UMAD1: variants seen among roughly 807,000 people sequenced by gnomAD.
UMAD1 encodes the protein UBAP1-MVB12-associated (UMA)-domain containing protein 1.
In UMAD1, 8 loss-of-function variants were observed where a neutral mutation model predicts 6.1. The observed-to-expected ratio is 1.30, with a 90% confidence interval of 0.76 to 2.35. The LOEUF (loss-of-function observed/expected upper bound fraction) is 2.35, where lower values mean the gene tolerates loss of function less well. Among genes scored for constraint, UMAD1 ranks in the 30% most tolerant of loss-of-function variants. The probability of loss-of-function intolerance (pLI) is 0.00; values close to 1 mark genes in which losing one functional copy is unlikely to be tolerated. For synonymous variants in UMAD1, 56 were observed against 31.4 expected (o/e 1.78, Z -2.61); for missense variants, 130 against 78.4 (o/e 1.66, Z -2.49).
At chr7:7,782,537 T>G (rs1032223242) in intron 2 of UMAD1, among the ~76,000 whole-genome samples, 1 of 152,150 alleles carries the variant, frequency 6.6e-6, no homozygotes, top group African/African-American at 2.4e-5. Flanking sequence ...TTTAAAATTT[T>G]TTTTATTTTC....
At chr7:7,820,625 G>A (rs140992109) in intron 3 of UMAD1, among the ~76,000 whole-genome samples, 297 of 152,208 alleles carry the variant, frequency 2.0e-3, no homozygotes, top group African/African-American at 6.8e-3. Context: ...TTTAGCATGC[G>A]AGACTTTAAG....
chr7:7,643,520 G>C (rs984921959), intron 1 of UMAD1, among the ~76,000 whole-genome samples: 15 of 152,184 alleles, frequency 9.9e-5, no homozygotes, highest in African/African-American at 3.4e-4. Context: ...AGACCACCCT[G>C]GTCAACATGG....
intron 1 of UMAD1, among the ~76,000 whole-genome samples, chr7:7,646,915 G>T (rs1161637931): frequency 6.6e-6 from 1 of 152,120 alleles, no homozygotes; most frequent in Non-Finnish European, 1.5e-5. Flanking sequence ...GCAACATTTG[G>T]GTGCAAAAAC....
chr7:7,824,164 A>G (rs1447599476), intron 3 of UMAD1, among the ~76,000 whole-genome samples: 1 of 152,064 alleles, frequency 6.6e-6, no homozygotes, highest in African/African-American at 2.4e-5. Flanking sequence ...GCATGTCCTC[A>G]TCCTTTGTCA....
chr7:7,680,050 A>T (rs960059027), intron 2 of UMAD1, among the ~76,000 whole-genome samples: 2 of 151,938 alleles, frequency 1.3e-5, no homozygotes, highest in Non-Finnish European at 2.9e-5. Context: ...ACTTGATGTA[A>T]TCCCATTTGT....
In UMAD1 at chr7:7,825,261, A is replaced by T. The variant is rs532139862; in HGVS notation, c.156+23518A>T. 1.2e-3 allele frequency among the ~76,000 whole-genome samples: 180 copies of T among 152,296 alleles called. 3 individuals are homozygous for T. Among genetic ancestry groups the T allele is most frequent in the Admixed American group, 0.012 (179 of 15,282 alleles). On this transcript the variant is annotated intron_variant, in intron 3 of 3. Transcript: ENST00000682710. ...TTAATTAATAAGTCCATTCACAACGAGATAGTCAATTATATTGATACGTTA... is the reference window on the plus strand; with the variant it reads ...TTAATTAATAAGTCCATTCACAACGTGATAGTCAATTATATTGATACGTTA...
Position 7,731,279 on chromosome 7 carries a change from C to G in UMAD1, c.82+57826C>G, listed in dbSNP as rs142478009. Among the ~76,000 whole-genome samples, 493 of 152,164 alleles carry G rather than the reference C, an allele frequency of 3.2e-3. 3 individuals are homozygous for G. The highest frequency in any genetic ancestry group is 3.5e-3 in the Non-Finnish European group (240 of 68,000). On this transcript the variant is annotated intron_variant, in intron 2 of 3. Transcript: ENST00000682710. Reference sequence around the variant, plus strand: ...CCTCCCAAAGTGCTGGGATTACAGCCGTCAGCCACTGCACCCGGCCTCAAA... The same window carrying G: ...CCTCCCAAAGTGCTGGGATTACAGCGGTCAGCCACTGCACCCGGCCTCAAA...
chr7:7,749,010 A>G (rs1033969899), intron 2 of UMAD1, among the ~76,000 whole-genome samples: 2 of 152,088 alleles, frequency 1.3e-5, no homozygotes, highest in African/African-American at 4.8e-5. Flanking sequence ...CTTCGCCCAG[A>G]TCAGTGTGAT....
intron 3 of UMAD1, among the ~76,000 whole-genome samples, chr7:7,871,835 CAG>C (rs974217135): frequency 8.1e-6 from 1 of 124,106 alleles, no homozygotes. Flanking sequence ...TCACAAATAA[CAG>C]AGAATTGTCA....
chr7:7,769,583 T>G (rs986239383), intron 2 of UMAD1, among the ~76,000 whole-genome samples: 2 of 152,156 alleles, frequency 1.3e-5, no homozygotes, highest in Non-Finnish European at 2.9e-5. Flanking sequence ...ATTGGTTTGG[T>G]GGGCTGCCTA....
chr7:7,859,629 A>AT (rs1227391986), intron 3 of UMAD1, among the ~76,000 whole-genome samples: 1 of 152,188 alleles, frequency 6.6e-6, no homozygotes, highest in Middle Eastern at 3.2e-3. Context: ...AGGTTAAATG[A>AT]TTCGCTTAAG....
intron 3 of UMAD1, among the ~76,000 whole-genome samples, chr7:7,856,728 G>A (rs1278150681): frequency 6.6e-6 from 1 of 152,074 alleles, no homozygotes; most frequent in Admixed American, 6.6e-5. Flanking sequence ...CATTAATTGA[G>A]CTTCCCTAAA....
At chr7:7,642,925 C>T (rs1226738064) in intron 1 of UMAD1, among the ~76,000 whole-genome samples, 3 of 152,112 alleles carry the variant, frequency 2.0e-5, no homozygotes, top group African/African-American at 4.8e-5. Context: ...CAGTCTTTGA[C>T]CTTTATATAA....
intron 2 of UMAD1, among the ~76,000 whole-genome samples, chr7:7,787,258 T>G (rs1205182850): frequency 6.8e-6 from 1 of 147,388 alleles, no homozygotes; most frequent in Non-Finnish European, 1.5e-5. Context: ...AAACCATATA[T>G]GATTTTCATA....
At chr7:7,775,941 T>TG (rs1563196531) in intron 2 of UMAD1, among the ~76,000 whole-genome samples, 1 of 152,124 alleles carries the variant, frequency 6.6e-6, no homozygotes, top group Non-Finnish European at 1.5e-5. Context: ...TACAAAGTAA[T>TG]ACAAGGAAAC....
intron 1 of UMAD1, among the ~76,000 whole-genome samples, chr7:7,650,304 AC>A (rs1203511469): frequency 2.6e-5 from 4 of 152,136 alleles, no homozygotes; most frequent in African/African-American, 9.7e-5. Flanking sequence ...TAATATTTTT[AC>A]AGCTTCATCA....
At chr7:7,722,014 C>T (rs913295071) in intron 2 of UMAD1, among the ~76,000 whole-genome samples, 1 of 152,044 alleles carries the variant, frequency 6.6e-6, no homozygotes, top group Non-Finnish European at 1.5e-5. Flanking sequence ...ATGCTGGATG[C>T]TTCCTGTCCT....
intron 1 of UMAD1, among the ~76,000 whole-genome samples, chr7:7,642,326 T>G (rs2115541625): frequency 6.6e-6 from 1 of 151,004 alleles, no homozygotes; most frequent in Admixed American, 6.6e-5. Context: ...TTGTTGTTTG[T>G]TTTTTTTTGT....
At chr7:7,803,781 C>G (rs541443827) in intron 3 of UMAD1, among the ~76,000 whole-genome samples, 1 of 151,852 alleles carries the variant, frequency 6.6e-6, no homozygotes, top group South Asian at 2.1e-4. Context: ...CTTATAAGGG[C>G]ACTAATCCCA....
Sources: allele counts gnomAD v4.1 joint callset (sites outside exome capture counted in the v4.1 genomes callset), GRCh38; gene constraint gnomAD v4.1.1; transcripts MANE v1.5; gene names NCBI Gene and HGNC (gene_info 2026-07-23, HGNC 2026-07-21).